The following ADAMTSL1 variants were observed in gnomAD, a reference collection of about 807,000 sequenced individuals.
ADAMTSL1 encodes ADAMTS-like protein 1.
A neutral mutation model predicts 201.8 loss-of-function variants in ADAMTSL1; 126 were observed. The observed-to-expected ratio is 0.62, with a 90% CI of 0.54 to 0.72. The LOEUF (loss-of-function observed/expected upper bound fraction) is 0.72, where lower values mean the gene tolerates loss of function less well. Among genes scored for constraint, ADAMTSL1 ranks in the 30% least tolerant of loss-of-function variants. The probability of loss-of-function intolerance (pLI) is 0.00; values close to 1 mark genes in which losing one functional copy is unlikely to be tolerated. For synonymous variants in ADAMTSL1, 1,121 were observed against 903.4 expected, an observed-to-expected ratio of 1.24 and a Z score of -4.32; for missense variants, 2,679 against 2,277.8, an observed-to-expected ratio of 1.18 and a Z score of -3.59.
upstream of ADAMTSL1, among the ~76,000 whole-genome samples, chr9:18,473,200 G>C (rs1389005302): frequency 6.6e-6 from 1 of 152,130 alleles, no homozygotes; most frequent in Non-Finnish European, 1.5e-5. Context: ...GGTGAGGTGC[G>C]GAGGAAGCTG....
At chr9:18,791,992 T>C (rs1822092267) in intron 19 of ADAMTSL1, among the ~76,000 whole-genome samples, 1 of 152,006 alleles carries the variant, frequency 6.6e-6, no homozygotes, top group Non-Finnish European at 1.5e-5. Flanking sequence ...CTATAAAAAC[T>C]AACCCCCACC....
At chr9:18,203,215 T>G (rs1441647678) in intron 2 of ADAMTSL1, among the ~76,000 whole-genome samples, 1 of 152,098 alleles carries the variant, frequency 6.6e-6, no homozygotes, top group Non-Finnish European at 1.5e-5. Flanking sequence ...TTCATCCAGC[T>G]GCACTCTAGC....
intron 13 of ADAMTSL1, among the ~76,000 whole-genome samples, chr9:18,695,798 C>A (rs1344599215): frequency 6.6e-6 from 1 of 152,198 alleles, no homozygotes; most frequent in East Asian, 1.9e-4. Flanking sequence ...ATAGCAATGC[C>A]CCACTTCTTG....
chr9:18,563,060 T>C (rs774586535), intron 3 of ADAMTSL1, among the ~76,000 whole-genome samples: 6 of 152,226 alleles, frequency 3.9e-5, no homozygotes, highest in Non-Finnish European at 8.8e-5. Context: ...CTTCCCTTGC[T>C]GGCAAGGAGT....
intron 2 of ADAMTSL1, among the ~76,000 whole-genome samples, chr9:18,294,575 G>C (rs932239001): frequency 7.9e-5 from 12 of 152,160 alleles, no homozygotes; most frequent in African/African-American, 2.7e-4. Context: ...GGCACTGCCT[G>C]GTGGTGATAT....
intron 4 of ADAMTSL1, among the ~76,000 whole-genome samples, chr9:18,614,670 C>G (rs1587710617): frequency 6.6e-6 from 1 of 152,126 alleles, no homozygotes; most frequent in East Asian, 1.9e-4. Flanking sequence ...AGGAAATAAT[C>G]TGATTAAAAC....
chr9:17,972,673 A>G (rs568225380), intron 1 of ADAMTSL1, among the ~76,000 whole-genome samples: 5 of 151,556 alleles, frequency 3.3e-5, no homozygotes, highest in Non-Finnish European at 7.4e-5. Flanking sequence ...CTTTGGGTAT[A>G]TACCCAGTAA....
chr9:18,550,072 A>G (rs1412500253), intron 3 of ADAMTSL1, among the ~76,000 whole-genome samples: 1 of 151,972 alleles, frequency 6.6e-6, no homozygotes, highest in Non-Finnish European at 1.5e-5. Flanking sequence ...TGAGAAAGAA[A>G]TAAATATTTG....
chr9:18,265,254 C>T (rs1010534434), intron 2 of ADAMTSL1, among the ~76,000 whole-genome samples: 3 of 151,038 alleles, frequency 2.0e-5, no homozygotes, highest in Non-Finnish European at 4.4e-5. Flanking sequence ...GTCTCTTCTT[C>T]CCGGATACTC....
intron 3 of ADAMTSL1, among the ~76,000 whole-genome samples, chr9:18,573,743 T>C (rs1264510482): frequency 6.6e-6 from 1 of 152,174 alleles, no homozygotes; most frequent in Non-Finnish European, 1.5e-5. Flanking sequence ...TAGACAACTT[T>C]CAAAAAATGT....
chr9:18,244,869 A>G (rs1235907071), intron 2 of ADAMTSL1, among the ~76,000 whole-genome samples: 1 of 152,122 alleles, frequency 6.6e-6, no homozygotes, highest in Non-Finnish European at 1.5e-5. Flanking sequence ...ATGGGCAGGA[A>G]CTACATATAC....
chr9:17,977,123 C>T (rs1818486106), intron 1 of ADAMTSL1, among the ~76,000 whole-genome samples: 1 of 152,036 alleles, frequency 6.6e-6, no homozygotes, highest in African/African-American at 2.4e-5. Flanking sequence ...GGGTGTATCA[C>T]ATTTATTGGT....
At chr9:18,078,468 TAGTC>T (rs1361795697) in intron 1 of ADAMTSL1, among the ~76,000 whole-genome samples, 2 of 152,212 alleles carry the variant, frequency 1.3e-5, no homozygotes, top group South Asian at 2.1e-4. Context: ...TGTCTGTTCT[TAGTC>T]AGAGTTTCGC....
intron 16 of ADAMTSL1, among the ~76,000 whole-genome samples, chr9:18,763,047 G>C (rs114981011): frequency 1.3e-5 from 2 of 152,044 alleles, no homozygotes; most frequent in Non-Finnish European, 2.9e-5. Context: ...TAGATCATAC[G>C]GTAGCTCAAT....
intron 16 of ADAMTSL1, among the ~76,000 whole-genome samples, chr9:18,755,184 C>A (rs1405708109): frequency 5.3e-5 from 8 of 152,116 alleles, no homozygotes; most frequent in Admixed American, 5.2e-4. Context: ...AAAACCTGGA[C>A]CAGAACCCAG....
At chr9:18,812,965 TA>T (rs1313447671) in intron 20 of ADAMTSL1, among the ~76,000 whole-genome samples, 2 of 137,892 alleles carry the variant, frequency 1.5e-5, no homozygotes, top group African/African-American at 5.9e-5. Flanking sequence ...TCCAGCTATG[TA>T]CTTTTTTTTT....
chr9:18,289,100 C>A (rs1187052371), intron 2 of ADAMTSL1, among the ~76,000 whole-genome samples: 2 of 151,954 alleles, frequency 1.3e-5, no homozygotes, highest in Non-Finnish European at 2.9e-5. Context: ...AAGATATATA[C>A]CTAATACATA....
rs547013901 is a variant in ADAMTSL1, at chr9:18,602,102, G to C, written c.475-20141G>C. 1.1e-3 allele frequency among the ~76,000 whole-genome samples: 160 copies of C among 152,322 alleles called. 1 individual carries two copies. The South Asian group carries it at 0.012, about 11-fold the overall frequency. Reference sequence around the variant, plus strand: ...CATAAGAAATGTCTTCCTAGTTAGTGAATGGATGTGATTTCACTACTGCCT... The same window carrying C: ...CATAAGAAATGTCTTCCTAGTTAGTCAATGGATGTGATTTCACTACTGCCT... On this transcript the variant is annotated intron_variant, in intron 4 of 28. Coordinates refer to ENST00000380548, the MANE Select transcript of ADAMTSL1 (RefSeq NM_001040272.6).
intron 1 of ADAMTSL1, among the ~76,000 whole-genome samples, chr9:17,940,387 C>T (rs1466951041): frequency 6.6e-6 from 1 of 152,022 alleles, no homozygotes; most frequent in Admixed American, 6.6e-5. Context: ...CTTCTTACAG[C>T]AGAATTCAGT....
Sources: allele counts gnomAD v4.1 joint callset (sites outside exome capture counted in the v4.1 genomes callset), GRCh38; gene constraint gnomAD v4.1.1; transcripts MANE v1.5; gene names NCBI Gene and HGNC (gene_info 2026-07-23, HGNC 2026-07-21).